The following SORCS1 variants were observed in gnomAD, a reference collection of about 807,000 sequenced individuals.
SORCS1 encodes sortilin related VPS10 domain containing receptor 1.
SORCS1 carries 60 observed loss-of-function variants against 146.1 expected under a neutral mutation model. The ratio of observed to expected loss-of-function variants is 0.41; its 90% CI spans 0.33 to 0.51. SORCS1 has a LOEUF of 0.51. Among genes scored for constraint, SORCS1 ranks in the 20% least tolerant of loss-of-function variants. SORCS1 has a pLI of 0.21. For missense variants in SORCS1, 1,352 were observed against 1,487.6 expected, an observed-to-expected ratio of 0.91 and a Z score of 1.50; for synonymous variants, 637 against 584.0, an observed-to-expected ratio of 1.09 and a Z score of -1.31.
intron 6 of SORCS1, among the ~76,000 whole-genome samples, chr10:106,727,326 C>T (rs1856274730): frequency 6.6e-6 from 1 of 152,176 alleles, no homozygotes; most frequent in Non-Finnish European, 1.5e-5. Context: ...ATGTAGATGC[C>T]ATGGCATGTG....
intron 10 of SORCS1, among the ~76,000 whole-genome samples, chr10:106,687,793 G>A (rs762910955): frequency 2.6e-5 from 4 of 152,098 alleles, no homozygotes; most frequent in Non-Finnish European, 4.4e-5. Context: ...ACACCTACAC[G>A]ACTCTGCATT....
intron 1 of SORCS1, among the ~76,000 whole-genome samples, chr10:107,124,368 C>T (rs563979408): frequency 4.6e-5 from 7 of 152,226 alleles, no homozygotes; most frequent in Admixed American, 1.3e-4. Flanking sequence ...GTTCCCTTTG[C>T]AACCCTGGTT....
chr10:106,746,976 T>G (rs1219306097), intron 5 of SORCS1, among the ~76,000 whole-genome samples: 1 of 152,238 alleles, frequency 6.6e-6, no homozygotes, highest in Non-Finnish European at 1.5e-5. Flanking sequence ...GCATAAATAT[T>G]CTAACAGGTT....
intron 5 of SORCS1, among the ~76,000 whole-genome samples, chr10:106,753,660 C>T (rs1268809102): frequency 6.7e-6 from 1 of 150,344 alleles, no homozygotes; most frequent in Non-Finnish European, 1.5e-5. Context: ...AAATTTGGGG[C>T]AGCGATAATA....
intron 2 of SORCS1, among the ~76,000 whole-genome samples, chr10:106,888,470 G>T (rs1201346771): frequency 7.3e-6 from 1 of 136,628 alleles, no homozygotes; most frequent in Non-Finnish European, 1.7e-5. Flanking sequence ...TAAAAGTAGG[G>T]TCAGTATTTA....
chr10:106,656,478 C>A (rs922492198), intron 17 of SORCS1, among the ~76,000 whole-genome samples: 6 of 152,048 alleles, frequency 3.9e-5, no homozygotes, highest in African/African-American at 1.4e-4. Context: ...ATGGTGTGAA[C>A]CTGGGAGGCG....
intron 6 of SORCS1, among the ~76,000 whole-genome samples, chr10:106,729,633 C>G (rs1459353385): frequency 6.6e-6 from 1 of 152,096 alleles, no homozygotes; most frequent in Non-Finnish European, 1.5e-5. Context: ...CCTGGAAAGA[C>G]ACTTTGATTG....
At chr10:106,723,395 G>GCA (rs34071599) in intron 6 of SORCS1, among the ~76,000 whole-genome samples, 3,838 of 148,372 alleles carry the variant, frequency 0.026, 50 homozygotes, top group African/African-American at 0.033. Context: ...CTCCTACGAT[G>GCA]CACACACACA....
At chr10:106,757,604 G>A (rs1858747169) in intron 5 of SORCS1, among the ~76,000 whole-genome samples, 1 of 152,148 alleles carries the variant, frequency 6.6e-6, no homozygotes, top group African/African-American at 2.4e-5. Flanking sequence ...TGCAATTTAC[G>A]AGTTCCCATG....
intron 13 of SORCS1, among the ~76,000 whole-genome samples, chr10:106,676,944 T>A (rs1852073126): frequency 6.6e-6 from 1 of 152,132 alleles, no homozygotes; most frequent in Non-Finnish European, 1.5e-5. Flanking sequence ...GACAACTTGC[T>A]TCCTGTTGAC....
Position 106,607,264 on chromosome 10 carries a change from C to A in SORCS1, c.3067G>T (p.Ala1023Ser), listed in dbSNP as rs370556758. 3 of 1,613,964 alleles carry A rather than the reference C, an allele frequency of 1.9e-6. No homozygotes were observed. The African/African-American group carries it at 4.0e-5, about 22-fold the overall frequency. ...GTGGTGGGTAAGCCAGGGAGCACCGCCACCAGGATGTGCTGGCCTGGAACC... is the reference window on the plus strand; with the variant it reads ...GTGGTGGGTAAGCCAGGGAGCACCGACACCAGGATGTGCTGGCCTGGAACC... ...TGVPGQHILV[A>S]VLPGLPTTAE... The change falls in exon 23 of 26, where the codon GCG becomes TCG. Residue 1023 changes from alanine to serine, a missense_variant. By Grantham distance (99) the Ala-to-Ser change is moderately conservative. Around this residue, in one of 3 missense-constraint regions of SORCS1, gnomAD observed 214 missense variants for 204.8 expected, o/e 1.05. Transcript: ENST00000263054.
rs58784456 is a variant in SORCS1 at position 106,801,466 on chromosome 10, G to A, written c.727-24774C>T. Among the ~76,000 whole-genome samples the A allele has an allele frequency of 4.0e-5, 6 of 150,868 alleles. No homozygotes were observed. In the East Asian group the frequency reaches 1.2e-3, roughly 29 times the overall value. ...GTGTTAGGCTCATTTTAAGGGATTT[G>A]CATATATTAACTCATGTAAACCCAC... On this transcript the variant is annotated intron_variant, in intron 3 of 25. Transcript: ENST00000263054.
At chr10:106,706,377 A>G (rs1319861834) in intron 8 of SORCS1, among the ~76,000 whole-genome samples, 168 bp downstream of exon 8, 2 of 152,122 alleles carry the variant, frequency 1.3e-5, no homozygotes, top group Non-Finnish European at 2.9e-5. Flanking sequence ...GGAGGGTAAT[A>G]GGACTGACCA....
At chr10:106,688,439 T>A in intron 9 of SORCS1, 101 bp from the exon 10 acceptor site, 1 of 1,395,526 alleles carries the variant, frequency 7.2e-7, no homozygotes, top group Non-Finnish European at 9.7e-7. Flanking sequence ...CTGAGAGCAC[T>A]TGCCTTGGAG....
At chr10:107,076,044 C>A (rs116260372) in intron 1 of SORCS1, among the ~76,000 whole-genome samples, 2,059 of 152,212 alleles carry the variant, frequency 0.014, 47 homozygotes, top group African/African-American at 0.047. Flanking sequence ...AAGTGACTTT[C>A]TGTACAGTGC....
chr10:106,705,981 C>T (rs1287876880), intron 8 of SORCS1, among the ~76,000 whole-genome samples: 4 of 152,154 alleles, frequency 2.6e-5, no homozygotes, highest in African/African-American at 4.8e-5. Context: ...GCTGGTGCCA[C>T]GTCACGGCAT....
intron 2 of SORCS1, among the ~76,000 whole-genome samples, chr10:106,948,775 T>C (rs1476296854): frequency 1.3e-5 from 2 of 151,864 alleles, no homozygotes; most frequent in Admixed American, 6.6e-5. Flanking sequence ...CTGGCTAACA[T>C]GGTGAAACCG....
rs1225689576 is a variant in SORCS1 at position 106,652,556 on chromosome 10, A to T, written c.2304-3T>A. The T allele has an allele frequency of 6.2e-7, 1 of 1,610,458 alleles. No homozygotes were observed. The highest frequency in any genetic ancestry group is 1.7e-5 in the Admixed American group (1 of 59,678). Reference sequence around the variant, plus strand: ...TATTGGAAACCACCTTCCTGTACCTAAATGGAAAAAAGCTCAAGTCGTAAA... The same window carrying T: ...TATTGGAAACCACCTTCCTGTACCTTAATGGAAAAAAGCTCAAGTCGTAAA... On this transcript the variant is annotated splice_polypyrimidine_tract_variant and splice_region_variant and intron_variant, in intron 17 of 25. Transcript: ENST00000263054.
intron 1 of SORCS1, among the ~76,000 whole-genome samples, chr10:107,067,404 T>C (rs1000231474): frequency 4.6e-5 from 7 of 152,150 alleles, no homozygotes; most frequent in African/African-American, 1.4e-4. Flanking sequence ...ATTGGCCTCA[T>C]AGACTTGTTC....
Sources: gnomAD v4.1 joint callset for allele counts (sites outside exome capture counted in the v4.1 genomes callset) on GRCh38, gnomAD v4.1.1 for gene constraint, gnomAD v4.1.1 regional missense constraint, MANE v1.5 for transcripts, NCBI Gene and HGNC (gene_info 2026-07-23, HGNC 2026-07-21) for gene names.